The following PDE4D variants were observed in gnomAD, a reference collection of about 807,000 sequenced individuals.
PDE4D encodes 3',5'-cyclic-AMP phosphodiesterase 4D.
Under a neutral mutation model 87.4 loss-of-function variants are expected in PDE4D, and 24 were observed. The observed-to-expected ratio is 0.27, with a 90% confidence interval of 0.20 to 0.39. PDE4D has a LOEUF of 0.39. Ranked by LOEUF, PDE4D falls within the 10% of genes least tolerant of loss-of-function variation. The pLI is 1.00. For synonymous variants in PDE4D, 384 were observed against 383.2 expected (o/e 1.00, Z -0.02); for missense variants, 714 against 1,041.0 (o/e 0.69, Z 4.32).
intron 1 of PDE4D, among the ~76,000 whole-genome samples, chr5:60,213,963 G>A (rs1166409914): frequency 6.6e-6 from 1 of 152,030 alleles, no homozygotes; most frequent in African/African-American, 2.4e-5. Context: ...AATTAATTGA[G>A]GTCATGGGAA....
At chr5:59,027,457 T>C (rs1308840408) in intron 6 of PDE4D, among the ~76,000 whole-genome samples, 3 of 152,050 alleles carry the variant, frequency 2.0e-5, no homozygotes, top group Non-Finnish European at 4.4e-5. Context: ...TCCTTGAGAG[T>C]AGAGTATCTA....
intron 1 of PDE4D, among the ~76,000 whole-genome samples, chr5:59,848,510 A>T (rs1218655342): frequency 1.3e-5 from 2 of 152,064 alleles, no homozygotes. Flanking sequence ...TCACAAAAAA[A>T]TTTTAATGAC....
At chr5:59,487,510 T>G (rs1805366348) in intron 1 of PDE4D, among the ~76,000 whole-genome samples, 1 of 152,206 alleles carries the variant, frequency 6.6e-6, no homozygotes, top group African/African-American at 2.4e-5. Context: ...AGCTTCCTCA[T>G]GGGTCAGACG....
At chr5:59,768,356 G>A in intron 1 of PDE4D, 3 of 1,598,364 alleles carry the variant, frequency 1.9e-6, no homozygotes, top group Non-Finnish European at 2.5e-6. Flanking sequence ...GAGAGCTTGG[G>A]AGAAACCGAT....
intron 1 of PDE4D, among the ~76,000 whole-genome samples, chr5:59,237,655 T>C (rs16889412): frequency 0.029 from 4,391 of 152,198 alleles, 218 homozygotes; most frequent in African/African-American, 0.098. Context: ...CAAATAATGG[T>C]CTCTGGTCTA....
chr5:60,055,251 T>C (rs1002129722), intron 2 of PDE4D, among the ~76,000 whole-genome samples: 6 of 152,008 alleles, frequency 3.9e-5, no homozygotes, highest in African/African-American at 2.4e-5. Context: ...AGATATAAAA[T>C]CACAAAAACT....
chr5:60,286,087 C>T (rs1247276724), intron 1 of PDE4D, among the ~76,000 whole-genome samples: 2 of 152,130 alleles, frequency 1.3e-5, no homozygotes, highest in African/African-American at 2.4e-5. Context: ...TAACACTACA[C>T]GTTCTCTTTA....
chr5:59,512,288 A>G (rs578033809), intron 1 of PDE4D, among the ~76,000 whole-genome samples: 13 of 152,252 alleles, frequency 8.5e-5, no homozygotes, highest in South Asian at 6.2e-4. Flanking sequence ...TGACATGAAG[A>G]TATTTTCTCT....
chr5:59,077,985 C>G lies in PDE4D; in HGVS notation c.809-39014G>C, dbSNP rs112457638. ...CAGTTGCTCTTTCCTAAATGAGCAA[C>G]CGCGCATCTGGTCAAATTTGGTGAA... On this transcript the variant is annotated intron_variant, in intron 5 of 14. Transcript: ENST00000340635. Among the ~76,000 whole-genome samples the G allele has an allele frequency of 4.3e-4, 65 of 152,294 alleles. 1 individual carries two copies. The highest frequency in any genetic ancestry group is 1.4e-3 in the African/African-American group (58 of 41,562).
chr5:60,194,117 T>C (rs905320730), intron 1 of PDE4D, among the ~76,000 whole-genome samples: 1 of 151,644 alleles, frequency 6.6e-6, no homozygotes, highest in Admixed American at 6.6e-5. Flanking sequence ...TATCATTCTC[T>C]TTCTCTTCAA....
intron 1 of PDE4D, among the ~76,000 whole-genome samples, chr5:60,475,823 G>GAAAAAA (rs397792795): frequency 0.098 from 9,269 of 94,302 alleles, 639 homozygotes; most frequent in South Asian, 0.26. Context: ...TCTGTTAAAT[G>GAAAAAA]AAAAAAAAAA....
chr5:60,303,307 C>CTTT (rs879522679), intron 1 of PDE4D, among the ~76,000 whole-genome samples: 3,731 of 127,762 alleles, frequency 0.029, 251 homozygotes, highest in African/African-American at 0.11. Context: ...ATCTGGATTT[C>CTTT]TTTTTTTTTT....
intron 3 of PDE4D, among the ~76,000 whole-genome samples, chr5:59,953,868 A>G (rs1485704400): frequency 2.0e-5 from 3 of 152,206 alleles, no homozygotes; most frequent in African/African-American, 7.2e-5. Context: ...GTCATATTAA[A>G]TGTTAGACCC....
At chr5:59,369,288 A>G (rs1453924074) in intron 1 of PDE4D, among the ~76,000 whole-genome samples, 2 of 152,168 alleles carry the variant, frequency 1.3e-5, no homozygotes, top group Non-Finnish European at 2.9e-5. Flanking sequence ...TAGGCTTGTG[A>G]AAAAGACTAA....
chr5:59,316,245 G>T (rs1276768100), intron 1 of PDE4D, among the ~76,000 whole-genome samples: 1 of 152,106 alleles, frequency 6.6e-6, no homozygotes, highest in Non-Finnish European at 1.5e-5. Context: ...ATTGGAATCG[G>T]TATAGACATA....
At chr5:59,641,144 T>C (rs186148086) in intron 1 of PDE4D, among the ~76,000 whole-genome samples, 3 of 152,294 alleles carry the variant, frequency 2.0e-5, no homozygotes, top group African/African-American at 7.2e-5. Context: ...ATTATAACTG[T>C]GACAGAAGAA....
chr5:59,694,528 C>A (rs1751462267), intron 1 of PDE4D, among the ~76,000 whole-genome samples: 2 of 152,164 alleles, frequency 1.3e-5, no homozygotes, highest in Admixed American at 6.5e-5. Context: ...TCAAATGCTA[C>A]AGGAATTAAA....
intron 1 of PDE4D, among the ~76,000 whole-genome samples, chr5:59,495,386 G>A (rs1806991047): frequency 6.6e-6 from 1 of 152,092 alleles, no homozygotes. Flanking sequence ...AAGTTTCTTA[G>A]TGAAATTATC....
chr5:59,755,656 A>G (rs1435585133), intron 1 of PDE4D, among the ~76,000 whole-genome samples: 2 of 152,130 alleles, frequency 1.3e-5, no homozygotes, highest in African/African-American at 4.8e-5. Flanking sequence ...ACGCTGTTCT[A>G]TTTGGCAATC....
Sources: gnomAD v4.1 joint callset for allele counts (sites outside exome capture counted in the v4.1 genomes callset) on GRCh38, gnomAD v4.1.1 for gene constraint, MANE v1.5 for transcripts, NCBI Gene and HGNC (gene_info 2026-07-23, HGNC 2026-07-21) for gene names.